Variants in GNG12 observed in about 807,000 individuals in gnomAD.
GNG12 encodes the protein guanine nucleotide-binding protein G(I)/G(S)/G(O) subunit gamma-12.
For missense variants in GNG12, 69 were observed against 83.8 expected (o/e 0.82, Z 0.69); for synonymous variants, 28 against 29.7 (o/e 0.94, Z 0.19).
chr1:67,728,014 A>T (rs1646396849), intron 2 of GNG12, among the ~76,000 whole-genome samples: 1 of 152,176 alleles, frequency 6.6e-6, no homozygotes, highest in African/African-American at 2.4e-5. Context: ...AAACAGAGGA[A>T]AATATTGTTT....
intron 1 of GNG12, among the ~76,000 whole-genome samples, chr1:67,784,373 G>A (rs957474641): frequency 2.0e-5 from 3 of 149,826 alleles, no homozygotes; most frequent in East Asian, 3.9e-4. Flanking sequence ...GCTAGATGAC[G>A]AGTTAGTGGG....
chr1:67,756,096 G>C (rs1425327979), intron 2 of GNG12, among the ~76,000 whole-genome samples: 2 of 152,178 alleles, frequency 1.3e-5, no homozygotes, highest in Admixed American at 6.5e-5. Context: ...GGCTTAGAGT[G>C]TGGGAGTGGG....
chr1:67,765,874 G>A (rs1013784187), intron 2 of GNG12, among the ~76,000 whole-genome samples: 2 of 151,940 alleles, frequency 1.3e-5, no homozygotes, highest in Non-Finnish European at 2.9e-5. Flanking sequence ...TGGGCTTTAC[G>A]TCTGCCACAA....
chr1:67,705,426 G>C lies in GNG12; in HGVS notation c.*25C>G. On this transcript the variant is annotated 3_prime_UTR_variant, in exon 4 of 4. Coordinates refer to ENST00000370982, the MANE Select transcript of GNG12 (RefSeq NM_018841.6). ...CTCATAATTTGCGTTGTTGGGAAGA[G>C]GCGAGGAGCTGTTTCTCTATTCCAC... The C allele has an allele frequency of 6.2e-7, 1 of 1,611,740 alleles. No individual in the cohort carries two copies.
At chr1:67,714,684 A>G (rs1253307035) in intron 2 of GNG12, among the ~76,000 whole-genome samples, 1 of 152,166 alleles carries the variant, frequency 6.6e-6, no homozygotes, top group Non-Finnish European at 1.5e-5. Flanking sequence ...GTGGAAAACT[A>G]CATCTTCCAG....
chr1:67,814,089 G>A (rs547488984), intron 1 of GNG12, among the ~76,000 whole-genome samples: 1 of 152,114 alleles, frequency 6.6e-6, no homozygotes, highest in African/African-American at 2.4e-5. Flanking sequence ...TACTACATGA[G>A]CCCCCTTTTT....
intron 2 of GNG12, among the ~76,000 whole-genome samples, chr1:67,721,269 C>T (rs909367350): frequency 1.3e-5 from 2 of 152,140 alleles, no homozygotes; most frequent in African/African-American, 2.4e-5. Context: ...AGGTGCTAAG[C>T]ATGTGTGAAG....
intron 1 of GNG12, among the ~76,000 whole-genome samples, chr1:67,809,231 C>T (rs972848643): frequency 1.3e-5 from 2 of 151,968 alleles, no homozygotes; most frequent in Admixed American, 6.6e-5. Flanking sequence ...CATTCCCTGC[C>T]CCCACCAAAA....
At chr1:67,744,450 C>T (rs1570506873) in intron 2 of GNG12, among the ~76,000 whole-genome samples, 2 of 152,244 alleles carry the variant, frequency 1.3e-5, no homozygotes, top group African/African-American at 4.8e-5. Flanking sequence ...TCCACTGTGC[C>T]CTACACTGTG....
Position 67,704,043 on chromosome 1 carries a change from T to C in GNG12, c.*1408A>G, listed in dbSNP as rs982776524. ...CTCCGAAGTGACCCTCTCTTCTACT[T>C]TGATAAAGTCAAGATACCTTATTGG... On this transcript the variant is annotated 3_prime_UTR_variant, in exon 4 of 4. Coordinates refer to ENST00000370982, the MANE Select transcript of GNG12 (RefSeq NM_018841.6). 4 of 152,254 alleles carry C rather than the reference T, an allele frequency of 2.6e-5. No homozygotes were observed. The highest frequency in any genetic ancestry group is 6.5e-5 in the Admixed American group (1 of 15,286). The allele number at this position is 152,254 out of a possible 1,614,324, so 9.4% of individuals were successfully genotyped here. A position where few individuals can be genotyped will look rare whatever the true frequency, so the allele number is the denominator to read the frequency against.
chr1:67,755,061 A>G (rs1013137947), intron 2 of GNG12, among the ~76,000 whole-genome samples: 3 of 152,258 alleles, frequency 2.0e-5, no homozygotes, highest in Non-Finnish European at 4.4e-5. Context: ...AGGTCTCTTC[A>G]TTCATAGAGA....
intron 2 of GNG12, among the ~76,000 whole-genome samples, chr1:67,726,504 C>G (rs985077160): frequency 3.3e-5 from 5 of 152,158 alleles, no homozygotes; most frequent in Non-Finnish European, 5.9e-5. Flanking sequence ...AATGATGACA[C>G]AGAAATCTGT....
intron 2 of GNG12, among the ~76,000 whole-genome samples, chr1:67,773,651 C>T (rs148158314): frequency 1.3e-5 from 2 of 152,232 alleles, no homozygotes; most frequent in African/African-American, 4.8e-5. Flanking sequence ...TTCTGTGTAT[C>T]AAAAACCACA....
At chr1:67,740,844 G>C (rs1391307476) in intron 2 of GNG12, among the ~76,000 whole-genome samples, 2 of 152,190 alleles carry the variant, frequency 1.3e-5, no homozygotes, top group African/African-American at 2.4e-5. Context: ...GAATCTGCTA[G>C]AGCCTTGGTC....
At chr1:67,725,631 T>C (rs1051671924) in intron 2 of GNG12, among the ~76,000 whole-genome samples, 16 of 152,236 alleles carry the variant, frequency 1.1e-4, no homozygotes, top group African/African-American at 3.4e-4. Flanking sequence ...GCAAACTTGA[T>C]AACAGCTTCT....
At chr1:67,792,377 C>G (rs956151031) in intron 1 of GNG12, among the ~76,000 whole-genome samples, 2 of 152,074 alleles carry the variant, frequency 1.3e-5, no homozygotes, top group African/African-American at 4.8e-5. Flanking sequence ...TTCTGATGTT[C>G]GTATTATAAA....
intron 2 of GNG12, among the ~76,000 whole-genome samples, chr1:67,752,527 T>C (rs562594632): frequency 1.2e-4 from 18 of 152,284 alleles, no homozygotes; most frequent in African/African-American, 4.1e-4. Context: ...TTGCCTCTTT[T>C]CCTCTTGCAC....
chr1:67,782,926 C>T (rs1449710990), intron 1 of GNG12, among the ~76,000 whole-genome samples: 4 of 152,086 alleles, frequency 2.6e-5, no homozygotes, highest in African/African-American at 9.7e-5. Context: ...AGTTTATATG[C>T]TATTAGTAGT....
At chr1:67,806,641 A>G (rs1646895921) in intron 1 of GNG12, among the ~76,000 whole-genome samples, 1 of 152,188 alleles carries the variant, frequency 6.6e-6, no homozygotes, top group South Asian at 2.1e-4. Context: ...AGGAGTAGCT[A>G]TAAATTTCAG....
Sources: allele counts gnomAD v4.1 joint callset (sites outside exome capture counted in the v4.1 genomes callset), GRCh38; gene constraint gnomAD v4.1.1; transcripts MANE v1.5; gene names NCBI Gene and HGNC (gene_info 2026-07-23, HGNC 2026-07-21).